The following TTC21B variants were observed in gnomAD, a reference collection of about 807,000 sequenced individuals.
The protein encoded by TTC21B is tetratricopeptide repeat domain 21B.
Under a neutral mutation model 175.1 loss-of-function variants are expected in TTC21B, and 127 were observed. The observed-to-expected ratio is 0.73, with a 90% CI of 0.63 to 0.84. The LOEUF is 0.84. Ranked by LOEUF, TTC21B falls within the 40% of genes least tolerant of loss-of-function variation. TTC21B has a pLI of 0.00. For synonymous variants in TTC21B, 524 were observed against 524.5 expected (o/e 1.00, Z 0.01); for missense variants, 1,561 against 1,558.3 (o/e 1.00, Z -0.03).
intron 11 of TTC21B, among the ~76,000 whole-genome samples, chr2:165,926,402 T>C (rs1201436947): frequency 2.0e-5 from 3 of 152,286 alleles, no homozygotes; most frequent in South Asian, 4.1e-4. Flanking sequence ...AAAGGAGTTA[T>C]AAGAACTGCT....
intron 11 of TTC21B, among the ~76,000 whole-genome samples, chr2:165,928,223 TATG>T (rs1424862377): frequency 6.6e-6 from 1 of 152,160 alleles, no homozygotes; most frequent in Non-Finnish European, 1.5e-5. Flanking sequence ...CCACAAGGAA[TATG>T]ATAACATGGA....
At chr2:165,940,246 G>T (rs1422771630) in intron 6 of TTC21B, among the ~76,000 whole-genome samples, 1 of 152,114 alleles carries the variant, frequency 6.6e-6, no homozygotes, top group East Asian at 1.9e-4. Context: ...CTTTCAAAAG[G>T]TTCTCCCTGC....
intron 22 of TTC21B, among the ~76,000 whole-genome samples, chr2:165,894,901 C>A (rs1294322930): frequency 6.6e-6 from 1 of 152,062 alleles, no homozygotes; most frequent in East Asian, 1.9e-4. Context: ...GACGTATGGA[C>A]AAAGTAACCG....
chr2:165,931,683 G>A (rs1022388060), intron 8 of TTC21B, 75 bp downstream of exon 8: 5 of 1,258,372 alleles, frequency 4.0e-6, no homozygotes, highest in Admixed American at 1.7e-5. Context: ...GCTCTTCCCT[G>A]CTTCCACCTT....
intron 19 of TTC21B, among the ~76,000 whole-genome samples, chr2:165,907,205 T>C (rs1023154467): frequency 1.3e-5 from 2 of 152,172 alleles, no homozygotes; most frequent in East Asian, 1.9e-4. Flanking sequence ...TAGATGCAGA[T>C]AGTATATTTG....
intron 24 of TTC21B, among the ~76,000 whole-genome samples, chr2:165,890,211 A>G (rs1685140067): frequency 6.6e-6 from 1 of 152,194 alleles, no homozygotes. Context: ...GTGTCTTCAT[A>G]GCATGTCTAT....
intron 19 of TTC21B, among the ~76,000 whole-genome samples, chr2:165,906,253 C>CT (rs1685727021): frequency 4.5e-5 from 2 of 44,820 alleles, no homozygotes; most frequent in East Asian, 1.2e-3. Flanking sequence ...TTTCAAGAGG[C>CT]TAAAAAAAAA....
At chr2:165,893,149 A>G (rs774259463) in intron 22 of TTC21B, among the ~76,000 whole-genome samples, 2 of 152,192 alleles carry the variant, frequency 1.3e-5, no homozygotes, top group Non-Finnish European at 2.9e-5. Context: ...TTTGAGTCCA[A>G]TATACTTATT....
At chr2:165,943,543 C>G (rs1193938673) in intron 4 of TTC21B, among the ~76,000 whole-genome samples, 1 of 152,054 alleles carries the variant, frequency 6.6e-6, no homozygotes, top group Non-Finnish European at 1.5e-5. Flanking sequence ...CAAATTTCAG[C>G]CTTTAACATT....
In TTC21B at chr2:165,890,954, G is replaced by A. The variant is rs1685168998; in HGVS notation, c.2985C>T (p.Leu995=). Residue 995 remains leucine, a synonymous_variant, in exon 23 of 29, where the codon CTC becomes CTT. Coordinates refer to ENST00000243344, the MANE Select transcript of TTC21B (RefSeq NM_024753.5). ...CCTCGAGTTTTCCACATCTTCTTAG[G>A]AGATCAATCAAACGAGATAATGTCA... is the stretch of plus-strand genomic sequence containing the variant. ...NYMTLSRLID[L]LRRCGKLEDV... 1 of 1,612,868 alleles carries A rather than the reference G, an allele frequency of 6.2e-7. No homozygotes were observed. Among genetic ancestry groups the A allele is most frequent in the Non-Finnish European group, 8.5e-7 (1 of 1,179,200 alleles).
intron 19 of TTC21B, among the ~76,000 whole-genome samples, chr2:165,906,866 A>T (rs1200668394): frequency 1.3e-5 from 2 of 151,548 alleles, no homozygotes; most frequent in Non-Finnish European, 2.9e-5. Context: ...GAGACAACAG[A>T]ATCGCTTCAA....
Position 165,930,369 on chromosome 2 carries a change from A to T in TTC21B, c.895-5T>A. On this transcript the variant is annotated splice_polypyrimidine_tract_variant and splice_region_variant and intron_variant, in intron 8 of 28. Transcript: ENST00000243344. ...AATAAGTTGACTACGTCCACACTAA[A>T]AAGAAAAAAAAATGATGTAAGATTT... The T allele has an allele frequency of 6.2e-7, 1 of 1,600,118 alleles. No individual in the cohort carries two copies. Among genetic ancestry groups the T allele is most frequent in the South Asian group, 1.1e-5 (1 of 89,156 alleles).
chr2:165,930,777 T>C (rs1259689848), intron 8 of TTC21B, among the ~76,000 whole-genome samples: 4 of 105,028 alleles, frequency 3.8e-5, no homozygotes, highest in Non-Finnish European at 7.3e-5. Flanking sequence ...ATAATATATG[T>C]ATGCTTTTTC....
intron 16 of TTC21B, 91 bp from the exon 17 acceptor site, chr2:165,912,715 T>G: frequency 3.2e-6 from 3 of 935,816 alleles, no homozygotes; most frequent in Non-Finnish European, 5.3e-6. Flanking sequence ...ATCTCTACAT[T>G]TGTAATATTA....
intron 22 of TTC21B, 137 bp from the exon 23 acceptor site, chr2:165,891,125 T>C (rs1685177602): frequency 1.3e-6 from 1 of 761,216 alleles, no homozygotes; most frequent in African/African-American, 1.8e-5. Flanking sequence ...CCTCAGGGTA[T>C]AATTCCCTAT....
chr2:165,911,663 TA>T (rs1275357355), intron 17 of TTC21B, among the ~76,000 whole-genome samples, 198 bp from the exon 18 acceptor site: 2 of 140,172 alleles, frequency 1.4e-5, no homozygotes, highest in South Asian at 2.3e-4. Flanking sequence ...CTAATATATA[TA>T]TATATTTTTT....
At position 165,940,940 on chromosome 2, in the gene TTC21B, C is replaced by A. The variant is rs7592392; in HGVS notation, c.710+87G>T. On this transcript the variant is annotated intron_variant, in intron 6 of 28. Transcript: ENST00000243344. ...GTTTGAAAAAAATCAAATTTAAAAA[C>A]CCTTATGAAAAAAATTCACAGATGT... 0.62 allele frequency: 913,968 copies of A among 1,462,512 alleles called. 288,298 individuals carry two copies. The highest frequency in any genetic ancestry group is 0.81 in the East Asian group (35,331 of 43,806). The allele number at this position is 1,462,512 out of a possible 1,614,324, so 90.6% of individuals were successfully genotyped here. A position where few individuals can be genotyped will look rare whatever the true frequency, so the allele number is the denominator to read the frequency against.
chr2:165,906,948 T>G (rs915945277), intron 19 of TTC21B, among the ~76,000 whole-genome samples: 5 of 62,148 alleles, frequency 8.0e-5, no homozygotes, highest in African/African-American at 1.3e-4. Context: ...AGAGCAAAAC[T>G]CCGTCTCAAA....
chr2:165,917,392 C>T lies in TTC21B; in HGVS notation c.1764G>A (p.Met588Ile), dbSNP rs1303346309. 6.2e-7 allele frequency: 1 copy of T among 1,614,124 alleles called. No individual in the cohort carries two copies. Residue 588 changes from methionine to isoleucine, a missense_variant, in exon 14 of 29, where the codon ATG becomes ATA. Transcript: ENST00000243344. ...EIADAIKTLH[M>I]AMSLPGMKRI... is the part of the protein sequence containing the mutation. ...TTTTCATTCCTGGTAAACTCATTGC[C>T]ATATGCAGTGTTTTAATTGCGTCTG... is the stretch of plus-strand genomic sequence containing the variant.
Sources: gnomAD v4.1 joint callset for allele counts (sites outside exome capture counted in the v4.1 genomes callset) on GRCh38, gnomAD v4.1.1 for gene constraint, MANE v1.5 for transcripts, NCBI Gene and HGNC (gene_info 2026-07-23, HGNC 2026-07-21) for gene names.